PARD3B: variants seen among roughly 807,000 people sequenced by gnomAD.
PARD3B encodes the protein par-3 family cell polarity regulator beta, also known as partitioning defective 3 homolog B.
A neutral mutation model predicts 130.2 loss-of-function variants in PARD3B; 103 were observed. The ratio of observed to expected loss-of-function variants is 0.79; its 90% confidence interval spans 0.67 to 0.93. The LOEUF (loss-of-function observed/expected upper bound fraction) is 0.93, where lower values mean the gene tolerates loss of function less well. Ranked by LOEUF, PARD3B falls within the 40% of genes least tolerant of loss-of-function variation. The pLI is 0.00. For missense variants in PARD3B, 1,609 were observed against 1,499.2 expected (o/e 1.07, Z -1.21); for synonymous variants, 583 against 553.2 (o/e 1.05, Z -0.76).
In PARD3B at chr2:205,263,999, A is replaced by G. The variant is rs1268301379; in HGVS notation, c.2185+18177A>G. 6.6e-6 allele frequency among the ~76,000 whole-genome samples: 1 copy of G among 151,170 alleles called. No homozygotes were observed. The highest frequency in any genetic ancestry group is 6.6e-5 in the Admixed American group (1 of 15,130). Reference sequence around the variant, plus strand: ...ATAAATGTATTATAAAATGTGGCAGAGACAGGTGGATAGGACTTGACACTT... The same window carrying G: ...ATAAATGTATTATAAAATGTGGCAGGGACAGGTGGATAGGACTTGACACTT... On this transcript the variant is annotated intron_variant, in intron 16 of 22. Transcript: ENST00000406610. This position sits in a 1 kb window ranked among gnomAD's most constrained non-coding sequence, Gnocchi z 4.0.
chr2:204,607,624 T>A (rs187773898), intron 1 of PARD3B, among the ~76,000 whole-genome samples: 19 of 151,796 alleles, frequency 1.3e-4, no homozygotes, highest in South Asian at 8.3e-4. Flanking sequence ...AAAATTATTT[T>A]AAAAAAAAGG....
At chr2:204,793,661 C>G (rs1186519254) in intron 2 of PARD3B, among the ~76,000 whole-genome samples, 1 of 152,028 alleles carries the variant, frequency 6.6e-6, no homozygotes, top group Non-Finnish European at 1.5e-5. Flanking sequence ...GTGCCCACCA[C>G]CAAGCCTGGC....
At chr2:205,057,522 T>C (rs1178421702) in intron 4 of PARD3B, among the ~76,000 whole-genome samples, 2 of 145,258 alleles carry the variant, frequency 1.4e-5, no homozygotes, top group African/African-American at 5.2e-5. Context: ...TATGTGCATG[T>C]GTATATATAC....
Position 205,461,423 on chromosome 2 carries a change from T to C in PARD3B, c.3044+20751T>C, listed in dbSNP as rs548551700. The stretch of plus-strand genomic sequence containing the variant: ...TGCCTGGCGCCTTTCTTCCCTTCAT[T>C]GAACCAAGAGGTATTCCCTAGCACG... On this transcript the variant is annotated intron_variant, in intron 20 of 22. Coordinates refer to ENST00000406610, the MANE Select transcript of PARD3B (RefSeq NM_001302769.2). The surrounding 1 kb of genome is among the most constrained non-coding windows in gnomAD (Gnocchi z 4.3). Among the ~76,000 whole-genome samples, 5 of 152,264 alleles carry C rather than the reference T, an allele frequency of 3.3e-5. No homozygotes were observed. Among genetic ancestry groups the C allele is most frequent in the African/African-American group, 1.2e-4 (5 of 41,556 alleles).
chr2:204,820,615 GA>G (rs1274695017), intron 2 of PARD3B, among the ~76,000 whole-genome samples: 1 of 151,038 alleles, frequency 6.6e-6, no homozygotes, highest in Admixed American at 6.6e-5. Context: ...AGGAGTTCAA[GA>G]CCAGCCTGGC....
intron 20 of PARD3B, among the ~76,000 whole-genome samples, chr2:205,498,094 G>A (rs542878351): frequency 9.3e-5 from 14 of 151,020 alleles, no homozygotes; most frequent in Non-Finnish European, 1.3e-4. Flanking sequence ...CAGCTATTTT[G>A]GATGCTGAGA....
intron 1 of PARD3B, among the ~76,000 whole-genome samples, chr2:204,659,412 T>C (rs2035730790): frequency 6.6e-6 from 1 of 152,076 alleles, no homozygotes; most frequent in South Asian, 2.1e-4. Flanking sequence ...CAACCATCAA[T>C]GGAGCTGGAC....
At chr2:205,571,767 T>G (rs756012040) in intron 22 of PARD3B, among the ~76,000 whole-genome samples, 23 of 152,302 alleles carry the variant, frequency 1.5e-4, no homozygotes, top group Non-Finnish European at 2.9e-4. Context: ...GGCTATTAAA[T>G]AATGAGCCAG....
intron 16 of PARD3B, among the ~76,000 whole-genome samples, chr2:205,279,295 T>C (rs1460920999): frequency 6.6e-6 from 1 of 152,122 alleles, no homozygotes; most frequent in Admixed American, 6.5e-5. Flanking sequence ...ATTGGGACAC[T>C]ATAGCCTCTA....
intron 2 of PARD3B, among the ~76,000 whole-genome samples, chr2:204,735,254 C>T (rs544564115): frequency 5.3e-5 from 8 of 152,216 alleles, no homozygotes; most frequent in African/African-American, 1.9e-4. Flanking sequence ...AACAACCTGA[C>T]ACCACTCTGA....
rs849118 is a variant in PARD3B at position 205,160,450 on chromosome 2, G to A, written c.1620+1543G>A. On this transcript the variant is annotated intron_variant, in intron 11 of 22. Transcript: ENST00000406610. The surrounding 1 kb of genome is among the most constrained non-coding windows in gnomAD (Gnocchi z 4.0). ...CAGTGGGTGAATCCGCGGGCTCCAA[G>A]CTAGCACACTGTCACCCCACACATA... 0.057 allele frequency among the ~76,000 whole-genome samples: 8,732 copies of A among 152,224 alleles called. 583 individuals carry two copies. Among genetic ancestry groups the A allele is most frequent in the African/African-American group, 0.16 (6,703 of 41,496 alleles).
At chr2:204,894,139 GT>G (rs2046552262) in intron 2 of PARD3B, among the ~76,000 whole-genome samples, 1 of 151,702 alleles carries the variant, frequency 6.6e-6, no homozygotes, top group Non-Finnish European at 1.5e-5. Context: ...TATAACATTT[GT>G]AAAGTTTTGG....
intron 2 of PARD3B, among the ~76,000 whole-genome samples, chr2:204,808,404 A>G (rs1364740033): frequency 2.6e-5 from 4 of 152,080 alleles, no homozygotes; most frequent in Admixed American, 6.6e-5. Context: ...AGTTGTGTGA[A>G]GGGAGTTTGT....
chr2:204,819,570 A>T (rs1272335253), intron 2 of PARD3B, among the ~76,000 whole-genome samples: 2 of 152,208 alleles, frequency 1.3e-5, no homozygotes, highest in African/African-American at 4.8e-5. Flanking sequence ...AGGAAGAGTC[A>T]TACATCTCTC....
At chr2:205,310,500 C>T (rs2042342456) in intron 18 of PARD3B, among the ~76,000 whole-genome samples, 1 of 152,044 alleles carries the variant, frequency 6.6e-6, no homozygotes, top group South Asian at 2.1e-4. Flanking sequence ...TCAACCCCTC[C>T]ATAGCCTAGC....
chr2:204,908,024 C>T (rs1181230839), intron 2 of PARD3B, among the ~76,000 whole-genome samples: 1 of 152,070 alleles, frequency 6.6e-6, no homozygotes, highest in Admixed American at 6.6e-5. Flanking sequence ...TTTAAGTTCC[C>T]TTCTAACTAT....
intron 1 of PARD3B, among the ~76,000 whole-genome samples, chr2:204,563,774 C>CTTTATTT (rs2031495217): frequency 6.6e-6 from 1 of 151,944 alleles, no homozygotes; most frequent in Admixed American, 6.6e-5. Context: ...TTGTGGTCTG[C>CTTTATTT]TTTATTTTTT....
At chr2:204,773,152 G>T (rs1003443946) in intron 2 of PARD3B, among the ~76,000 whole-genome samples, 13 of 151,614 alleles carry the variant, frequency 8.6e-5, no homozygotes, top group African/African-American at 3.2e-4. Context: ...TTTAAAAAGG[G>T]CTTATTGAGT....
At chr2:205,518,766 C>T (rs2050900865) in intron 21 of PARD3B, among the ~76,000 whole-genome samples, 1 of 152,172 alleles carries the variant, frequency 6.6e-6, no homozygotes, top group Admixed American at 6.5e-5. Context: ...TCTTGTAAGG[C>T]AGGTCTGGTC....
Sources: allele counts gnomAD v4.1 joint callset (sites outside exome capture counted in the v4.1 genomes callset), GRCh38; gene constraint gnomAD v4.1.1; non-coding constraint Gnocchi (gnomAD v3.1); transcripts MANE v1.5; gene names NCBI Gene and HGNC (gene_info 2026-07-23, HGNC 2026-07-21).